Variants in PRKCI observed in about 807,000 individuals in gnomAD.
The protein encoded by PRKCI is protein kinase C iota, also known as protein kinase C iota type.
Under a neutral mutation model 84.0 loss-of-function variants are expected in PRKCI, and 43 were observed. The ratio of observed to expected loss-of-function variants is 0.51; its 90% confidence interval spans 0.40 to 0.66. The LOEUF is 0.66. Among genes scored for constraint, PRKCI ranks in the 30% least tolerant of loss-of-function variants. The probability of loss-of-function intolerance (pLI) is 0.00; values close to 1 mark genes in which losing one functional copy is unlikely to be tolerated. For missense variants in PRKCI, 459 were observed against 745.6 expected (o/e 0.62, Z 4.48); for synonymous variants, 216 against 234.4 (o/e 0.92, Z 0.72).
chr3:170,247,075 TG>T (rs1691147724), intron 2 of PRKCI, among the ~76,000 whole-genome samples: 1 of 152,116 alleles, frequency 6.6e-6, no homozygotes, highest in Non-Finnish European at 1.5e-5. Flanking sequence ...AAGACTTTTT[TG>T]TTTTGTTTTG....
chr3:170,275,385 C>A lies in PRKCI; in HGVS notation c.705+98C>A, dbSNP rs1734092161. The A allele has an allele frequency of 3.6e-6, 4 of 1,122,238 alleles. No individual in the cohort carries two copies. In the Admixed American group the frequency reaches 8.8e-5, roughly 25 times the overall value. The allele number at this position is 1,122,238 out of a possible 1,614,324, so 69.5% of individuals were successfully genotyped here. On this transcript the variant is annotated intron_variant, in intron 8 of 17. Transcript: ENST00000295797. Reference sequence around the variant, plus strand: ...ATATTGACCTGCTTAGACTTTAGATCATAATGGTGAAATGCAAAAATGATT... The same window carrying A: ...ATATTGACCTGCTTAGACTTTAGATAATAATGGTGAAATGCAAAAATGATT...
intron 8 of PRKCI, among the ~76,000 whole-genome samples, chr3:170,277,344 CTAAT>C (rs1055603465): frequency 5.5e-4 from 84 of 152,092 alleles, no homozygotes; most frequent in African/African-American, 1.8e-3. Flanking sequence ...CTCATCGTCA[CTAAT>C]TATCAGAGAA....
In PRKCI at chr3:170,303,883, G is replaced by C. The variant is rs1182699848; in HGVS notation, c.*756G>C. The C allele has an allele frequency of 1.2e-5, 2 of 172,226 alleles. No individual in the cohort carries two copies. Among genetic ancestry groups the C allele is most frequent in the African/African-American group, 2.4e-5 (1 of 42,064 alleles). 10.7% of individuals were successfully genotyped at this position (172,226 alleles called of 1,614,324 possible). A position where few individuals can be genotyped will look rare whatever the true frequency, so the allele number is the denominator to read the frequency against. On this transcript the variant is annotated 3_prime_UTR_variant, in exon 18 of 18. Transcript: ENST00000295797. Reference sequence around the variant, plus strand: ...ATGGTGGCACATACCTGTAATCCCAGCTACTCGGGAGGCTGAAACAGGAGA... The same window carrying C: ...ATGGTGGCACATACCTGTAATCCCACCTACTCGGGAGGCTGAAACAGGAGA...
intron 2 of PRKCI, among the ~76,000 whole-genome samples, chr3:170,236,845 G>C (rs1329992378): frequency 7.7e-6 from 1 of 129,404 alleles, no homozygotes; most frequent in African/African-American, 2.9e-5. Context: ...AACAAAGCAA[G>C]CAAAGCAAGA....
Position 170,222,595 on chromosome 3 carries a change from G to A in PRKCI, c.-75G>A, listed in dbSNP as rs1732515139. Reference sequence around the variant, plus strand: ...CCGCGGTTCTCCGGCAAGCGCAGGCGGCGGAGTCCCCCACGGCGCCCGAAG... The same window carrying A: ...CCGCGGTTCTCCGGCAAGCGCAGGCAGCGGAGTCCCCCACGGCGCCCGAAG... On this transcript the variant is annotated 5_prime_UTR_variant, in exon 1 of 18. Coordinates refer to ENST00000295797, the MANE Select transcript of PRKCI (RefSeq NM_002740.6). 1.6e-6 allele frequency: 2 copies of A among 1,288,062 alleles called. No individual in the cohort carries two copies. The highest frequency in any genetic ancestry group is 1.6e-5 in the African/African-American group (1 of 64,368). 79.8% of individuals were successfully genotyped at this position (1,288,062 alleles called of 1,614,324 possible). A position where few individuals can be genotyped will look rare whatever the true frequency, so the allele number is the denominator to read the frequency against.
chr3:170,225,986 C>T (rs970626251), intron 1 of PRKCI, among the ~76,000 whole-genome samples: 2 of 151,944 alleles, frequency 1.3e-5, no homozygotes, highest in African/African-American at 2.4e-5. Flanking sequence ...GATCTCGGCT[C>T]ATTGCAACCT....
chr3:170,257,900 G>T (rs1733628149), intron 2 of PRKCI, among the ~76,000 whole-genome samples: 1 of 151,888 alleles, frequency 6.6e-6, no homozygotes, highest in Admixed American at 6.6e-5. Context: ...CTGACCTCAG[G>T]CGATCCACCC....
At chr3:170,246,110 G>A (rs551316122) in intron 2 of PRKCI, among the ~76,000 whole-genome samples, 4 of 151,492 alleles carry the variant, frequency 2.6e-5, no homozygotes, top group South Asian at 2.1e-4. Flanking sequence ...GCTCCACCAC[G>A]CCCAGCTAAT....
intron 2 of PRKCI, among the ~76,000 whole-genome samples, chr3:170,252,211 C>CT (rs1733468853): frequency 7.5e-6 from 1 of 132,552 alleles, no homozygotes; most frequent in South Asian, 2.2e-4. Context: ...GAGACTCCGT[C>CT]TCAAAAAAAA....
At chr3:170,277,926 C>A (rs1734157757) in intron 8 of PRKCI, among the ~76,000 whole-genome samples, 1 of 152,094 alleles carries the variant, frequency 6.6e-6, no homozygotes, top group Non-Finnish European at 1.5e-5. Flanking sequence ...TACGTCTGTT[C>A]CTCCATCTGA....
chr3:170,290,925 C>T (rs1400578308), intron 12 of PRKCI, among the ~76,000 whole-genome samples: 5 of 151,820 alleles, frequency 3.3e-5, no homozygotes, highest in African/African-American at 1.2e-4. Flanking sequence ...ATCATCTGGT[C>T]AGGAGTTTGA....
At chr3:170,231,017 T>C (rs1434439725) in intron 1 of PRKCI, among the ~76,000 whole-genome samples, 1 of 150,122 alleles carries the variant, frequency 6.7e-6, no homozygotes, top group African/African-American at 2.5e-5. Flanking sequence ...TGGAGCGCAG[T>C]GGCGTGATCT....
intron 12 of PRKCI, among the ~76,000 whole-genome samples, chr3:170,285,808 A>G (rs1734369489): frequency 6.6e-6 from 1 of 151,682 alleles, no homozygotes; most frequent in South Asian, 2.1e-4. Context: ...GCAATGGCAC[A>G]ATCTTGGCTC....
At chr3:170,253,274 C>T (rs1733498812) in intron 2 of PRKCI, among the ~76,000 whole-genome samples, 1 of 152,158 alleles carries the variant, frequency 6.6e-6, no homozygotes, top group South Asian at 2.1e-4. Context: ...TACTGTTCTC[C>T]ATAGTGACTG....
chr3:170,275,819 C>T (rs1734100255), intron 8 of PRKCI, among the ~76,000 whole-genome samples: 1 of 152,056 alleles, frequency 6.6e-6, no homozygotes, highest in Admixed American at 6.6e-5. Flanking sequence ...ACCTTTTAAA[C>T]CATTTCTAGT....
intron 8 of PRKCI, among the ~76,000 whole-genome samples, chr3:170,275,668 TTAAG>T (rs953926003): frequency 1.7e-4 from 26 of 152,114 alleles, no homozygotes; most frequent in African/African-American, 5.1e-4. Flanking sequence ...TTTTTGACTA[TTAAG>T]TATTTTATCA....
intron 9 of PRKCI, among the ~76,000 whole-genome samples, chr3:170,280,815 A>G (rs1187702125): frequency 6.6e-6 from 1 of 152,208 alleles, no homozygotes; most frequent in East Asian, 1.9e-4. Flanking sequence ...TTTTCTAAAT[A>G]TGTGCTAAGT....
intron 17 of PRKCI, among the ~76,000 whole-genome samples, chr3:170,301,854 A>G (rs1293260478): frequency 6.6e-6 from 1 of 152,078 alleles, no homozygotes; most frequent in African/African-American, 2.4e-5. Context: ...TAACTCCTTC[A>G]TTGCCTATCA....
chr3:170,239,577 A>T lies in PRKCI; in HGVS notation c.223+4226A>T, dbSNP rs1052588532. ...CGATAGTCCATTAAACGTTTTTATA[A>T]TACCTTTGTATTATCCTTGCCTGGA... On this transcript the variant is annotated intron_variant, in intron 2 of 17. Transcript: ENST00000295797. Among the ~76,000 whole-genome samples, 5 of 152,264 alleles carry T rather than the reference A, an allele frequency of 3.3e-5. No individual in the cohort carries two copies. The East Asian group carries it at 9.6e-4, about 29-fold the overall frequency.
Sources: gnomAD v4.1 joint callset for allele counts (sites outside exome capture counted in the v4.1 genomes callset) on GRCh38, gnomAD v4.1.1 for gene constraint, MANE v1.5 for transcripts, NCBI Gene and HGNC (gene_info 2026-07-23, HGNC 2026-07-21) for gene names.